Variants in ZPBP observed in about 807,000 individuals in gnomAD.
ZPBP encodes zona pellucida binding protein.
In ZPBP, 26 loss-of-function variants were observed where a neutral mutation model predicts 44.8. The observed-to-expected ratio is 0.58, with a 90% CI of 0.43 to 0.81. ZPBP has a LOEUF of 0.81. Ranked by LOEUF, ZPBP falls within the 30% of genes least tolerant of loss-of-function variation. The probability of loss-of-function intolerance (pLI) is 0.00; values close to 1 mark genes in which losing one functional copy is unlikely to be tolerated. For missense variants in ZPBP, 409 were observed against 434.0 expected, an observed-to-expected ratio of 0.94 and a Z score of 0.51; for synonymous variants, 174 against 153.2, an observed-to-expected ratio of 1.14 and a Z score of -1.00.
At chr7:49,937,764 C>T in intron 7 of ZPBP, 142 bp from the exon 8 acceptor site, 1 of 694,260 alleles carries the variant, frequency 1.4e-6, no homozygotes, top group Non-Finnish European at 2.4e-6. Context: ...AGAACTTTTT[C>T]ATCTTGCAAA....
intron 6 of ZPBP, among the ~76,000 whole-genome samples, chr7:49,994,838 A>G (rs1461070901): frequency 6.6e-6 from 1 of 152,136 alleles, no homozygotes; most frequent in Non-Finnish European, 1.5e-5. Flanking sequence ...TCGTAGATCC[A>G]TTTCTCTTGT....
chr7:50,057,155 C>G (rs1047095945), intron 4 of ZPBP, among the ~76,000 whole-genome samples: 1 of 150,160 alleles, frequency 6.7e-6, no homozygotes, highest in Non-Finnish European at 1.5e-5. Context: ...ACTGCACACT[C>G]CAGCCTAGGT....
intron 1 of ZPBP, among the ~76,000 whole-genome samples, chr7:49,930,814 G>T (rs1017989602): frequency 1.3e-5 from 2 of 152,156 alleles, no homozygotes; most frequent in Non-Finnish European, 2.9e-5. Context: ...GTGAAAACTT[G>T]GAAGCAATAA....
downstream of ZPBP, among the ~76,000 whole-genome samples, chr7:49,845,933 T>A (rs532293294): frequency 6.6e-6 from 1 of 152,364 alleles, no homozygotes; most frequent in South Asian, 2.1e-4. Flanking sequence ...TTTTCACTAA[T>A]GAGTCTTTGA....
At chr7:49,867,413 AG>A (rs1790943616) in intron 2 of ZPBP, among the ~76,000 whole-genome samples, 1 of 152,194 alleles carries the variant, frequency 6.6e-6, no homozygotes, top group Non-Finnish European at 1.5e-5. Flanking sequence ...GGACGAAGTA[AG>A]GGAAGGAGTA....
At chr7:49,944,013 T>C (rs1477264503) in intron 7 of ZPBP, 14 of 275,268 alleles carry the variant, frequency 5.1e-5, no homozygotes, top group Non-Finnish European at 1.0e-4. Flanking sequence ...TAGGGCCAAA[T>C]GTAGTTTTAA....
intron 6 of ZPBP, among the ~76,000 whole-genome samples, chr7:50,013,745 G>C (rs1403675484): frequency 1.3e-5 from 2 of 152,044 alleles, no homozygotes; most frequent in East Asian, 3.9e-4. Context: ...ATTACTTTCT[G>C]GGTTGTAATC....
At chr7:50,069,537 C>T (rs984954953) in intron 3 of ZPBP, among the ~76,000 whole-genome samples, 2 of 152,230 alleles carry the variant, frequency 1.3e-5, no homozygotes, top group African/African-American at 2.4e-5. Context: ...AAACACACGA[C>T]CAATTTCTCT....
At chr7:50,081,352 T>A (rs886504077) in intron 3 of ZPBP, among the ~76,000 whole-genome samples, 3 of 151,760 alleles carry the variant, frequency 2.0e-5, no homozygotes, top group Non-Finnish European at 3.0e-5. Context: ...CCAGCTAAGT[T>A]AACTGTAGTT....
chr7:49,938,128 A>G (rs544678828), intron 7 of ZPBP, among the ~76,000 whole-genome samples: 21 of 151,946 alleles, frequency 1.4e-4, no homozygotes, highest in Admixed American at 1.3e-3. Context: ...GGGGTTGGGG[A>G]CCCCTGCTTT....
At chr7:50,005,563 T>C (rs7783074) in intron 6 of ZPBP, among the ~76,000 whole-genome samples, 43,533 of 151,892 alleles carry the variant, frequency 0.29, 6,974 homozygotes, top group Non-Finnish European at 0.37. Context: ...TTAAAATGGA[T>C]TGTTATAACT....
At chr7:50,044,941 C>T (rs908292818) in intron 4 of ZPBP, among the ~76,000 whole-genome samples, 1 of 152,172 alleles carries the variant, frequency 6.6e-6, no homozygotes, top group Non-Finnish European at 1.5e-5. Context: ...CATCAAAAAG[C>T]TTATCCACCA....
At chr7:49,989,820 T>A (rs897390561) in intron 6 of ZPBP, among the ~76,000 whole-genome samples, 4 of 152,186 alleles carry the variant, frequency 2.6e-5, no homozygotes, top group Admixed American at 2.6e-4. Context: ...GTGATAGGAA[T>A]AAATAGGGTG....
rs1164221909 is a variant in ZPBP, at chr7:50,050,803, A to C, written c.487+7186T>G. Among the ~76,000 whole-genome samples the C allele has an allele frequency of 4.7e-5, 7 of 150,190 alleles. No individual in the cohort carries two copies. In the East Asian group the frequency reaches 7.7e-4, roughly 17 times the overall value. ...GACTCCGTCTCAAAAAAAAAAAAAA[A>C]AAAAAAAAAAACCTAAAATTATAAA... On this transcript the variant is annotated intron_variant, in intron 4 of 7. Transcript: ENST00000046087.
At chr7:49,922,287 T>C (rs1455554804) in intron 1 of ZPBP, among the ~76,000 whole-genome samples, 1 of 152,222 alleles carries the variant, frequency 6.6e-6, no homozygotes, top group African/African-American at 2.4e-5. Context: ...AAATATGGAC[T>C]AACAGTAAGT....
intron 4 of ZPBP, among the ~76,000 whole-genome samples, chr7:50,045,053 T>A (rs950962613): frequency 2.0e-4 from 30 of 152,180 alleles, no homozygotes; most frequent in Admixed American, 1.3e-4. Context: ...AAAAACCACA[T>A]GATTATCTCA....
At chr7:50,072,494 G>A (rs1042013404) in intron 3 of ZPBP, among the ~76,000 whole-genome samples, 1 of 152,232 alleles carries the variant, frequency 6.6e-6, no homozygotes, top group Admixed American at 6.5e-5. Context: ...GAGCCCCAGG[G>A]CCTTGAGCAA....
intron 1 of ZPBP, among the ~76,000 whole-genome samples, chr7:49,909,507 T>C (rs1583816043): frequency 1.3e-5 from 2 of 151,842 alleles, no homozygotes; most frequent in Middle Eastern, 6.8e-3. Context: ...TGTGGTGGAG[T>C]GCAGAGAGGA....
chr7:50,058,134 GTTTTC>G lies in ZPBP; in HGVS notation c.337_341del (p.Glu113ProfsTer17). ...CTGTGGATGTTATTTGTGCAGTGCG[GTTTTC>G]TACTAAAGGAATAAGATACAGTTAC... On this transcript the variant is annotated frameshift_variant and splice_region_variant, in exon 4 of 8. Coordinates refer to ENST00000046087, the MANE Select transcript of ZPBP (RefSeq NM_007009.3). LOFTEE classifies it high-confidence loss of function. The G allele has an allele frequency of 6.2e-7, 1 of 1,613,624 alleles. No homozygotes were observed. Among genetic ancestry groups the G allele is most frequent in the East Asian group, 2.2e-5 (1 of 44,812 alleles).
Sources: allele counts gnomAD v4.1 joint callset (sites outside exome capture counted in the v4.1 genomes callset), GRCh38; gene constraint gnomAD v4.1.1; transcripts MANE v1.5; gene names NCBI Gene and HGNC (gene_info 2026-07-23, HGNC 2026-07-21).